Variants in TMEM132D observed in about 807,000 individuals in gnomAD.
TMEM132D encodes the protein transmembrane protein 132D.
Under a neutral mutation model 62.3 loss-of-function variants are expected in TMEM132D, and 21 were observed. The observed-to-expected ratio is 0.34, with a 90% CI of 0.24 to 0.49. The LOEUF (loss-of-function observed/expected upper bound fraction) is 0.49. TMEM132D is among the 20% of genes least tolerant of loss of function. TMEM132D has a pLI of 0.99. For missense variants in TMEM132D, 1,346 were observed against 1,402.8 expected, an observed-to-expected ratio of 0.96 and a Z score of 0.65; for synonymous variants, 621 against 575.6, an observed-to-expected ratio of 1.08 and a Z score of -1.13.
chr12:129,238,152 G>A (rs961116749), intron 4 of TMEM132D, among the ~76,000 whole-genome samples: 1 of 152,052 alleles, frequency 6.6e-6, no homozygotes, highest in East Asian at 1.9e-4. Context: ...TGATGGTGGC[G>A]ATAATGGGCA....
intron 4 of TMEM132D, among the ~76,000 whole-genome samples, chr12:129,217,610 T>C (rs961375814): frequency 1.3e-5 from 2 of 152,136 alleles, no homozygotes; most frequent in African/African-American, 4.8e-5. Context: ...CTCTAAGCAG[T>C]GTGTTCCCAT....
At chr12:129,338,505 T>C (rs1869364737) in intron 3 of TMEM132D, among the ~76,000 whole-genome samples, 1 of 152,294 alleles carries the variant, frequency 6.6e-6, no homozygotes, top group South Asian at 2.1e-4. Context: ...ATTTAAGTAA[T>C]TAATTAGCTG....
chr12:129,810,790 CTTGAACAATGTCCAAAAAAT>C (rs1452548101), intron 1 of TMEM132D, among the ~76,000 whole-genome samples: 1 of 152,116 alleles, frequency 6.6e-6, no homozygotes, highest in African/African-American at 2.4e-5. Flanking sequence ...AAAACATAAT[CTTGAACAATGTCCAAAAAAT>C]CGAGTTGAGG....
rs372303106 is a variant in TMEM132D, at chr12:129,736,348, C to T, written c.80-35650G>A. 4.5e-4 allele frequency among the ~76,000 whole-genome samples: 69 copies of T among 152,190 alleles called. No individual in the cohort carries two copies. In the South Asian group the frequency reaches 0.012, roughly 27 times the overall value. On this transcript the variant is annotated intron_variant, in intron 1 of 8. Transcript: ENST00000422113. The stretch of plus-strand genomic sequence containing the variant: ...CTTTACTGGCTATAGAAATACAGCT[C>T]GTGGAGAGAAATGTATTTTGTATCT...
intron 5 of TMEM132D, among the ~76,000 whole-genome samples, chr12:129,151,845 A>G (rs1033757806): frequency 4.7e-5 from 7 of 149,938 alleles, no homozygotes; most frequent in African/African-American, 1.2e-4. Flanking sequence ...CATGCCATTC[A>G]TAATACTTAG....
At chr12:129,563,904 A>G (rs1293290175) in intron 2 of TMEM132D, among the ~76,000 whole-genome samples, 1 of 152,222 alleles carries the variant, frequency 6.6e-6, no homozygotes, top group East Asian at 1.9e-4. Flanking sequence ...ATTGTGCCAG[A>G]TAAATGTTAG....
At chr12:129,165,337 A>G (rs745652335) in intron 5 of TMEM132D, among the ~76,000 whole-genome samples, 21 of 152,226 alleles carry the variant, frequency 1.4e-4, no homozygotes, top group Non-Finnish European at 3.1e-4. Flanking sequence ...CACTCTTAAG[A>G]TTTGTGCATT....
chr12:129,598,954 G>C (rs551738503), intron 2 of TMEM132D, among the ~76,000 whole-genome samples: 1 of 152,168 alleles, frequency 6.6e-6, no homozygotes, highest in Non-Finnish European at 1.5e-5. Flanking sequence ...GCTTAGAAAT[G>C]AATATCTAAT....
intron 4 of TMEM132D, among the ~76,000 whole-genome samples, chr12:129,240,189 T>C (rs561040355): frequency 6.6e-6 from 1 of 152,352 alleles, no homozygotes; most frequent in Admixed American, 6.5e-5. Flanking sequence ...TAAAGTTTTG[T>C]TGTGTATCCT....
intron 4 of TMEM132D, among the ~76,000 whole-genome samples, chr12:129,320,857 A>AT (rs1247634371): frequency 6.6e-6 from 1 of 152,190 alleles, no homozygotes; most frequent in East Asian, 1.9e-4. Flanking sequence ...AATCAACAGG[A>AT]CTTGGTATTG....
At chr12:129,900,180 G>A (rs1875305854) in intron 1 of TMEM132D, among the ~76,000 whole-genome samples, 1 of 152,112 alleles carries the variant, frequency 6.6e-6, no homozygotes, top group African/African-American at 2.4e-5. Context: ...TTCTCACCCA[G>A]CTGGAAATCG....
At chr12:129,111,287 G>A (rs1168025798) in intron 5 of TMEM132D, 2 of 152,272 alleles carry the variant, frequency 1.3e-5, no homozygotes, top group African/African-American at 2.4e-5. Context: ...GAGGCAGGGA[G>A]GATCCTTTCC....
chr12:129,326,386 C>G (rs1326585382), intron 4 of TMEM132D, among the ~76,000 whole-genome samples: 1 of 152,124 alleles, frequency 6.6e-6, no homozygotes, highest in African/African-American at 2.4e-5. Context: ...AAATCACAGC[C>G]TGCAAAAGCT....
At chr12:129,340,669 G>A (rs1869444667) in intron 3 of TMEM132D, among the ~76,000 whole-genome samples, 1 of 152,204 alleles carries the variant, frequency 6.6e-6, no homozygotes, top group Middle Eastern at 3.4e-3. Flanking sequence ...AGTATTCCAT[G>A]GTGTATATGT....
At chr12:129,303,033 T>C (rs1313611471) in intron 4 of TMEM132D, among the ~76,000 whole-genome samples, 2 of 152,152 alleles carry the variant, frequency 1.3e-5, no homozygotes, top group Non-Finnish European at 2.9e-5. Context: ...GGGTCCTTAA[T>C]TCCACCTCCC....
At chr12:129,823,728 G>A (rs188783888) in intron 1 of TMEM132D, among the ~76,000 whole-genome samples, 42 of 152,260 alleles carry the variant, frequency 2.8e-4, no homozygotes, top group East Asian at 2.5e-3. Flanking sequence ...ACAAATTTGC[G>A]GCTCTATCAC....
intron 3 of TMEM132D, among the ~76,000 whole-genome samples, chr12:129,367,777 C>CTTTTTTTTTT (rs60004106): frequency 7.5e-4 from 92 of 122,234 alleles, no homozygotes; most frequent in Non-Finnish European, 8.3e-4. Flanking sequence ...CATTTCTTTT[C>CTTTTTTTTTT]TTTTTTTTTT....
intron 1 of TMEM132D, among the ~76,000 whole-genome samples, chr12:129,843,715 C>A (rs1873270914): frequency 6.6e-6 from 1 of 152,094 alleles, no homozygotes; most frequent in African/African-American, 2.4e-5. Flanking sequence ...ACTCAAAAAA[C>A]TACTACTGAC....
chr12:129,524,650 A>G (rs1047341949), intron 3 of TMEM132D, among the ~76,000 whole-genome samples: 36 of 152,112 alleles, frequency 2.4e-4, no homozygotes, highest in African/African-American at 7.7e-4. Context: ...ATATATTTCT[A>G]GAACTGTAAT....
Sources: gnomAD v4.1 joint callset for allele counts (sites outside exome capture counted in the v4.1 genomes callset) on GRCh38, gnomAD v4.1.1 for gene constraint, MANE v1.5 for transcripts, NCBI Gene and HGNC (gene_info 2026-07-23, HGNC 2026-07-21) for gene names.